RIPOR1: variants seen among roughly 807,000 people sequenced by gnomAD.
RIPOR1 encodes the protein rho family-interacting cell polarization regulator 1.
Under a neutral mutation model 116.5 loss-of-function variants are expected in RIPOR1, and 58 were observed. The ratio of observed to expected loss-of-function variants is 0.50; its 90% CI spans 0.40 to 0.62. The LOEUF is 0.62. RIPOR1 is among the 20% of genes least tolerant of loss of function. RIPOR1 has a pLI of 0.00. For synonymous variants in RIPOR1, 605 were observed against 650.0 expected (o/e 0.93, Z 1.05); for missense variants, 1,372 against 1,586.2 (o/e 0.86, Z 2.29).
intron 1 of RIPOR1, among the ~76,000 whole-genome samples, chr16:67,523,723 C>T (rs554397728): frequency 6.6e-6 from 1 of 151,468 alleles, no homozygotes; most frequent in South Asian, 2.1e-4. Context: ...CTCTGTTGCC[C>T]AGGCTGGAGT....
intron 1 of RIPOR1, among the ~76,000 whole-genome samples, chr16:67,519,105 T>A (rs906127640): frequency 1.5e-4 from 23 of 152,128 alleles, no homozygotes; most frequent in Non-Finnish European, 2.6e-4. Context: ...GACAACACGA[T>A]GAAACCCGGC....
At position 67,538,867 on chromosome 16, in the gene RIPOR1, C is replaced by G. The variant is rs368012173; in HGVS notation, c.257+43C>G. On this transcript the variant is annotated intron_variant, in intron 3 of 21. Transcript: ENST00000042381. Reference sequence around the variant, plus strand: ...TCCCAGCCCTGTCCCGGGATCCCTCCCCAAGCCCGCATCCTGCTAGCAGGA... The same window carrying G: ...TCCCAGCCCTGTCCCGGGATCCCTCGCCAAGCCCGCATCCTGCTAGCAGGA... The G allele has an allele frequency of 1.1e-5, 17 of 1,610,862 alleles. No homozygotes were observed. The African/African-American group carries it at 2.0e-4, about 19-fold the overall frequency.
intron 1 of RIPOR1, among the ~76,000 whole-genome samples, chr16:67,523,560 C>T (rs1180914430): frequency 7.1e-6 from 1 of 141,480 alleles, no homozygotes; most frequent in Non-Finnish European, 1.5e-5. Context: ...CAGTAGTCAA[C>T]ATCTTTTGGC....
At chr16:67,532,467 A>T (rs1374894350) in intron 1 of RIPOR1, among the ~76,000 whole-genome samples, 1 of 135,576 alleles carries the variant, frequency 7.4e-6, no homozygotes, top group Admixed American at 7.4e-5. Flanking sequence ...ACCTCGTCTT[A>T]AAAAAAAAAA....
At chr16:67,539,569 C>T (rs2050908832) in intron 4 of RIPOR1, 159 bp from the exon 5 acceptor site, 2 of 883,500 alleles carry the variant, frequency 2.3e-6, no homozygotes, top group Admixed American at 3.5e-5. Flanking sequence ...CCAGCATCCA[C>T]CAAGGGCTAG....
chr16:67,535,836 T>C (rs115880901), intron 1 of RIPOR1, among the ~76,000 whole-genome samples: 8,121 of 152,064 alleles, frequency 0.053, 649 homozygotes, highest in African/African-American at 0.17. Flanking sequence ...AGGCAATCCA[T>C]GGGAATGCAC....
chr16:67,534,500 C>T (rs1328178955), intron 1 of RIPOR1, among the ~76,000 whole-genome samples: 1 of 152,174 alleles, frequency 6.6e-6, no homozygotes, highest in Non-Finnish European at 1.5e-5. Context: ...AAGTGTACAA[C>T]TCTGTACATT....
rs749246813 is a variant in RIPOR1 at position 67,531,605 on chromosome 16, C to G, written c.-24+2691C>G. Reference sequence around the variant, plus strand: ...AAGGAATAGGAGCGATGGGGGCTGCCGGTCAGATTCTGAAGAACCTTGCAG... The same window carrying G: ...AAGGAATAGGAGCGATGGGGGCTGCGGGTCAGATTCTGAAGAACCTTGCAG... On this transcript the variant is annotated intron_variant, in intron 1 of 21. Coordinates refer to ENST00000042381, the MANE Select transcript of RIPOR1 (RefSeq NM_024519.4). The surrounding 1 kb of genome is among the most constrained non-coding windows in gnomAD (Gnocchi z 4.2). The G allele has an allele frequency of 6.6e-6, 3 of 454,344 alleles. No individual in the cohort carries two copies. The highest frequency in any genetic ancestry group is 2.0e-5 in the African/African-American group (1 of 49,924). 28.1% of individuals were successfully genotyped at this position (454,344 alleles called of 1,614,324 possible).
rs534331436 is a variant in RIPOR1 at position 67,546,606 on chromosome 16, C to A, written c.*143C>A. 4.4e-6 allele frequency: 3 copies of A among 676,774 alleles called. No homozygotes were observed. The highest frequency in any genetic ancestry group is 2.7e-5 in the Admixed American group (1 of 36,740). 41.9% of individuals were successfully genotyped at this position (676,774 alleles called of 1,614,324 possible). On this transcript the variant is annotated 3_prime_UTR_variant, in exon 22 of 22. Coordinates refer to ENST00000042381, the MANE Select transcript of RIPOR1 (RefSeq NM_024519.4). ...GAAAATCTAATATATTCTTCTGTTG[C>A]CCCTGGGGTTGGAGAGTCAGTGCCT... is the stretch of plus-strand genomic sequence containing the variant.
rs1341517069 is a variant in RIPOR1 at position 67,540,425 on chromosome 16, C to T, written c.632-33C>T. On this transcript the variant is annotated intron_variant, in intron 8 of 21. Transcript: ENST00000042381. The surrounding 1 kb of genome is among the most constrained non-coding windows in gnomAD (Gnocchi z 4.7). ...AGTATGCTGAAGAACCCCAATATGG[C>T]TCACCGACTTCTCCCCTTCTCCTCC... 6.2e-6 allele frequency: 10 copies of T among 1,614,160 alleles called. 1 individual carries two copies. The South Asian group carries it at 7.7e-5, about 12-fold the overall frequency.
chr16:67,526,889 AG>A (rs1178345101), upstream of RIPOR1, among the ~76,000 whole-genome samples: 1 of 152,242 alleles, frequency 6.6e-6, no homozygotes, highest in Non-Finnish European at 1.5e-5. Context: ...TCTCTAGCTC[AG>A]GTGGATGCCT....
Position 67,537,862 on chromosome 16 carries a change from C to T in RIPOR1, c.-23-562C>T, listed in dbSNP as rs1244446967. On this transcript the variant is annotated intron_variant, in intron 1 of 21. Coordinates refer to ENST00000042381, the MANE Select transcript of RIPOR1 (RefSeq NM_024519.4). The surrounding 1 kb of genome is among the most constrained non-coding windows in gnomAD (Gnocchi z 4.6). The stretch of plus-strand genomic sequence containing the variant: ...CTGGAGGGCGCCGGGACGCCCGGGC[C>T]GGTGGGGGCTGGGGGCAGCAGGTCA... 6.6e-6 allele frequency among the ~76,000 whole-genome samples: 1 copy of T among 151,548 alleles called. No individual in the cohort carries two copies.
chr16:67,529,724 C>A lies in RIPOR1; in HGVS notation c.-24+810C>A. On this transcript the variant is annotated intron_variant, in intron 1 of 21. Coordinates refer to ENST00000042381, the MANE Select transcript of RIPOR1 (RefSeq NM_024519.4). This position sits in a 1 kb window ranked among gnomAD's most constrained non-coding sequence, Gnocchi z 4.1. Reference sequence around the variant, plus strand: ...GCTGGCCGCCCCAGCACCTACTGTGCGCAGCCTCGTGTAACAATACTTGTG... The same window carrying A: ...GCTGGCCGCCCCAGCACCTACTGTGAGCAGCCTCGTGTAACAATACTTGTG... 2 of 1,527,138 alleles carry A rather than the reference C, an allele frequency of 1.3e-6. No individual in the cohort carries two copies. The highest frequency in any genetic ancestry group is 1.2e-5 in the South Asian group (1 of 82,966). 94.6% of individuals were successfully genotyped at this position (1,527,138 alleles called of 1,614,324 possible). A position where few individuals can be genotyped will look rare whatever the true frequency, so the allele number is the denominator to read the frequency against.
chr16:67,522,285 C>T (rs980163578), intron 1 of RIPOR1, among the ~76,000 whole-genome samples: 1 of 148,002 alleles, frequency 6.8e-6, no homozygotes, highest in East Asian at 2.0e-4. Context: ...TCACTGAAAC[C>T]TCCGCCTCCC....
chr16:67,540,182 C>T lies in RIPOR1; in HGVS notation c.544C>T (p.Arg182Trp), dbSNP rs774376004. 9.3e-6 allele frequency: 15 copies of T among 1,613,972 alleles called. No homozygotes were observed. Among genetic ancestry groups the T allele is most frequent in the Admixed American group, 3.3e-5 (2 of 60,002 alleles). The change falls in exon 7 of 22, where the codon CGG (arginine) becomes TGG (tryptophan). Residue 182 changes from arginine to tryptophan, a missense_variant. By Grantham distance (101) the Arg-to-Trp change is moderately radical (BLOSUM62 -3). Around this residue, in one of 3 missense-constraint regions of RIPOR1, gnomAD observed 202 missense variants for 295.9 expected, o/e 0.68. Coordinates refer to ENST00000042381, the MANE Select transcript of RIPOR1 (RefSeq NM_024519.4). This position sits in a 1 kb window ranked among gnomAD's most constrained non-coding sequence, Gnocchi z 4.7. ...CCGGGACAGCCTGGCAGAGGCCACTCGGGGGCATCGCGAGTACACGGAGGT... is the reference window on the plus strand; with the variant it reads ...CCGGGACAGCCTGGCAGAGGCCACTTGGGGGCATCGCGAGTACACGGAGGT... ...EARDSLAEATRGHREYTESMC... is the reference protein window; with the variant it reads ...EARDSLAEATWGHREYTESMC...
chr16:67,545,099 C>T lies in RIPOR1; in HGVS notation c.3013C>T (p.Pro1005Ser). The change falls in exon 17 of 22, where the codon CCA becomes TCA. Residue 1005 changes from proline (P) to serine (S), a missense_variant. Coordinates refer to ENST00000042381, the MANE Select transcript of RIPOR1 (RefSeq NM_024519.4). The surrounding 1 kb of genome is among the most constrained non-coding windows in gnomAD (Gnocchi z 4.8). The part of the protein sequence containing the change: ...QYGARLSLRQ[P>S]GLAEAVCVKF... Reference sequence around the variant, plus strand: ...TGGTGCCCGCCTCTCCCTGCGCCAGCCAGGCTTGGCTGAGGCTGGTGAGTG... The same window carrying T: ...TGGTGCCCGCCTCTCCCTGCGCCAGTCAGGCTTGGCTGAGGCTGGTGAGTG... The T allele has an allele frequency of 6.2e-7, 1 of 1,612,832 alleles. No homozygotes were observed. Among genetic ancestry groups the T allele is most frequent in the Middle Eastern group, 1.7e-4 (1 of 6,060 alleles).
At chr16:67,521,878 A>C (rs1449811526) in intron 1 of RIPOR1, among the ~76,000 whole-genome samples, 2 of 152,248 alleles carry the variant, frequency 1.3e-5, no homozygotes, top group East Asian at 1.9e-4. Flanking sequence ...TGTATGAATA[A>C]ATACAAAGAA....
Position 67,540,569 on chromosome 16 carries a change from G to T in RIPOR1, c.676-10G>T. The stretch of plus-strand genomic sequence containing the variant: ...ACACCTAGGCTGCCTCATCCTACCT[G>T]TTCCCCCAGATCTGCATGAAATATG... On this transcript the variant is annotated splice_polypyrimidine_tract_variant and intron_variant, in intron 9 of 21. Transcript: ENST00000042381. This position sits in a 1 kb window ranked among gnomAD's most constrained non-coding sequence, Gnocchi z 4.7. 1.9e-6 allele frequency: 3 copies of T among 1,614,084 alleles called. No homozygotes were observed. Among genetic ancestry groups the T allele is most frequent in the Non-Finnish European group, 2.5e-6 (3 of 1,179,970 alleles).
rs540227681 is a variant in RIPOR1, at chr16:67,521,805, G to C, written c.-24+3192G>C. Among the ~76,000 whole-genome samples, 3 of 152,336 alleles carry C rather than the reference G, an allele frequency of 2.0e-5. No individual in the cohort carries two copies. The South Asian group carries it at 6.2e-4, about 32-fold the overall frequency. ...CAGTGCAGAGGCCAGCCTGGAGATG[G>C]CCCAATAAGTAATGGCCATGTTGCT... On this transcript the variant is annotated intron_variant, in intron 1 of 1. Transcript: ENST00000562116.
Sources: gnomAD v4.1 joint callset for allele counts (sites outside exome capture counted in the v4.1 genomes callset) on GRCh38, gnomAD v4.1.1 for gene constraint, gnomAD v4.1.1 regional missense constraint, Gnocchi (gnomAD v3.1) non-coding constraint, MANE v1.5 for transcripts, NCBI Gene and HGNC (gene_info 2026-07-23, HGNC 2026-07-21) for gene names.